Variants in BRPF1 observed in about 807,000 individuals in gnomAD.
The protein encoded by BRPF1 is bromodomain and PHD finger containing 1, also known as peregrin.
A neutral mutation model predicts 115.0 loss-of-function variants in BRPF1; 15 were observed. That is an observed-to-expected ratio of 0.13 (90% CI 0.09 to 0.20). The LOEUF is 0.20. Among genes scored for constraint, BRPF1 ranks in the 10% least tolerant of loss-of-function variants. The pLI, the probability that BRPF1 is intolerant of heterozygous loss-of-function variation, is 1.00. For missense variants in BRPF1, 1,118 were observed against 1,638.3 expected (o/e 0.68, Z 5.48); for synonymous variants, 647 against 619.8 (o/e 1.04, Z -0.65).
At position 9,734,806 on chromosome 3, in the gene BRPF1, T is replaced by A; in HGVS notation, c.599+67T>A. ...GCAGGGCTCACTAGCCAGAGAGAGGTGAGAGGCACAGATAGAAGAGTGACA... is the reference window on the plus strand; with the variant it reads ...GCAGGGCTCACTAGCCAGAGAGAGGAGAGAGGCACAGATAGAAGAGTGACA... On this transcript the variant is annotated intron_variant, in intron 2 of 13. Coordinates refer to ENST00000383829, the MANE Select transcript of BRPF1 (RefSeq NM_001003694.2). This position sits in a 1 kb window ranked among gnomAD's most constrained non-coding sequence, Gnocchi z 5.7. 3 of 1,559,184 alleles carry A rather than the reference T, an allele frequency of 1.9e-6. No individual in the cohort carries two copies. The highest frequency in any genetic ancestry group is 1.2e-5 in the South Asian group (1 of 86,802).
intron 9 of BRPF1, 128 bp downstream of exon 9, chr3:9,744,636 A>C: frequency 1.4e-6 from 1 of 690,444 alleles, no homozygotes; most frequent in Non-Finnish European, 2.3e-6. Flanking sequence ...GAATCCTTTA[A>C]CTCCACTCAC....
chr3:9,741,980 C>T (rs1466786139), intron 5 of BRPF1, 45 bp from the exon 6 acceptor site: 2 of 1,609,042 alleles, frequency 1.2e-6, no homozygotes, highest in South Asian at 2.2e-5. Flanking sequence ...CTCTTTGCCA[C>T]TGAACTGGCC....
intron 3 of BRPF1, 53 bp downstream of exon 3, chr3:9,740,011 G>T (rs2077003103): frequency 1.3e-6 from 2 of 1,490,882 alleles, no homozygotes; most frequent in South Asian, 1.3e-5. Flanking sequence ...GCCTCCAGGA[G>T]AGGAGCTGGC....
At chr3:9,741,684 C>T (rs17291491) in intron 5 of BRPF1, among the ~76,000 whole-genome samples, 19,235 of 151,110 alleles carry the variant, frequency 0.13, 1,820 homozygotes, top group African/African-American at 0.26. Context: ...AGCGTGTGTA[C>T]CCCAGCCAGA....
rs1028956078 is a variant in BRPF1 at position 9,741,193 on chromosome 3, A to C, written c.1723-115A>C. The C allele has an allele frequency of 4.5e-6, 6 of 1,337,468 alleles. No individual in the cohort carries two copies. In the African/African-American group the frequency reaches 5.9e-5, roughly 13 times the overall value. The allele number at this position is 1,337,468 out of a possible 1,614,324, so 82.9% of individuals were successfully genotyped here. A position where few individuals can be genotyped will look rare whatever the true frequency, so the allele number is the denominator to read the frequency against. On this transcript the variant is annotated intron_variant, in intron 4 of 13. Coordinates refer to ENST00000383829, the MANE Select transcript of BRPF1 (RefSeq NM_001003694.2). ...GGACACACAGATTGAGGCACTACCAATAAATTACTGTGCTCCCTCTTTTGG... is the reference window on the plus strand; with the variant it reads ...GGACACACAGATTGAGGCACTACCACTAAATTACTGTGCTCCCTCTTTTGG...
At chr3:9,735,165 C>T (rs893159338) in intron 2 of BRPF1, among the ~76,000 whole-genome samples, 12 of 152,036 alleles carry the variant, frequency 7.9e-5, no homozygotes, top group African/African-American at 2.7e-4. Context: ...GCACATGCCA[C>T]CATGCCCAGC....
In BRPF1 at chr3:9,743,376, A is replaced by AT; in HGVS notation, c.2311+124dup. 1 of 1,341,018 alleles carries AT rather than the reference A, an allele frequency of 7.5e-7. No individual in the cohort carries two copies. The highest frequency in any genetic ancestry group is 1.0e-6 in the Non-Finnish European group (1 of 992,366). The allele number at this position is 1,341,018 out of a possible 1,614,324, so 83.1% of individuals were successfully genotyped here. ...CAGCTAGGCTGAGCAGTGGCAAGCT[A>AT]TCCCCAGGAATGCTCCCCAAGAAGC... On this transcript the variant is annotated intron_variant, in intron 7 of 13. Coordinates refer to ENST00000383829, the MANE Select transcript of BRPF1 (RefSeq NM_001003694.2). This position sits in a 1 kb window ranked among gnomAD's most constrained non-coding sequence, Gnocchi z 6.1.
Position 9,734,723 on chromosome 3 carries a change from C to G in BRPF1, c.583C>G (p.Pro195Ala). The change falls in exon 2 of 14, where the codon CCA becomes GCA. Residue 195 changes from proline to alanine, a missense_variant. By Grantham distance (27) the Pro-to-Ala change is conservative. Transcript: ENST00000383829. The surrounding 1 kb of genome is among the most constrained non-coding windows in gnomAD (Gnocchi z 5.7). ...EQDTPDAPPRPTSYYRYIEKS... is the reference protein window; with the variant it reads ...EQDTPDAPPRATSYYRYIEKS... ...GGACACCCCTGATGCCCCACCCCGG[C>G]CAACTTCCTATTACCGGTAAGGCCA... 6.2e-7 allele frequency: 1 copy of G among 1,614,036 alleles called. No individual in the cohort carries two copies. The highest frequency in any genetic ancestry group is 8.5e-7 in the Non-Finnish European group (1 of 1,179,950).
intron 12 of BRPF1, 128 bp downstream of exon 12, chr3:9,746,058 G>A: frequency 8.7e-7 from 1 of 1,149,068 alleles, no homozygotes; most frequent in Non-Finnish European, 1.2e-6. Context: ...CTGGTGGGCA[G>A]ATACAGCTTG....
Position 9,739,699 on chromosome 3 carries a change from A to G in BRPF1, c.1300A>G (p.Thr434Ala). ...EPVRETGANG[T>A]SFSVRKTAYC... Reference sequence around the variant, plus strand: ...TGTGCGGGAGACAGGCGCCAACGGCACCTCTTTCAGTGTCCGCAAGACAGC... The same window carrying G: ...TGTGCGGGAGACAGGCGCCAACGGCGCCTCTTTCAGTGTCCGCAAGACAGC... The change falls in exon 3 of 14, where the codon ACC (threonine) becomes GCC (alanine). Residue 434 changes from threonine (T) to alanine (A), a missense_variant. By Grantham distance (58) the Thr-to-Ala change is moderately conservative. This residue lies in a region of BRPF1 where 87 missense variants were observed against 93.4 expected (regional missense o/e 0.93). Transcript: ENST00000383829. 6.2e-7 allele frequency: 1 copy of G among 1,613,386 alleles called. No individual in the cohort carries two copies. The highest frequency in any genetic ancestry group is 8.5e-7 in the Non-Finnish European group (1 of 1,179,344).
At chr3:9,746,612 C>T (rs2077131386) in intron 13 of BRPF1, among the ~76,000 whole-genome samples, 158 bp downstream of exon 13, 1 of 152,024 alleles carries the variant, frequency 6.6e-6, no homozygotes, top group South Asian at 2.1e-4. Context: ...AGGGTTGTGT[C>T]GACCATGTGT....
rs533491116 is a variant in BRPF1 at position 9,744,140 on chromosome 3, A to G, written c.2636-84A>G. 1.3e-4 allele frequency: 187 copies of G among 1,448,224 alleles called. 2 individuals are homozygous for G. The highest frequency in any genetic ancestry group is 1.5e-4 in the Non-Finnish European group (165 of 1,077,046). 89.7% of individuals were successfully genotyped at this position (1,448,224 alleles called of 1,614,324 possible). ...CAACGTTAGCTGGAGTAATGGTCCTATATGCCCAGGGCATGACCCTGGATA... is the reference window on the plus strand; with the variant it reads ...CAACGTTAGCTGGAGTAATGGTCCTGTATGCCCAGGGCATGACCCTGGATA... On this transcript the variant is annotated intron_variant, in intron 8 of 13. Coordinates refer to ENST00000383829, the MANE Select transcript of BRPF1 (RefSeq NM_001003694.2).
chr3:9,741,957 C>T, intron 5 of BRPF1, 68 bp from the exon 6 acceptor site: 1 of 1,587,652 alleles, frequency 6.3e-7, no homozygotes, highest in East Asian at 2.2e-5. Flanking sequence ...CAGCTGGGAC[C>T]ATATCCTCAG....
In BRPF1 at chr3:9,743,429, C is replaced by T. The variant is rs559351681; in HGVS notation, c.2312-149C>T. The T allele has an allele frequency of 5.1e-5, 61 of 1,187,252 alleles. No individual in the cohort carries two copies. Among genetic ancestry groups the T allele is most frequent in the East Asian group, 4.0e-4 (16 of 39,742 alleles). 73.5% of individuals were successfully genotyped at this position (1,187,252 alleles called of 1,614,324 possible). The stretch of plus-strand genomic sequence containing the variant: ...GACTGGGTGAATGGATAGCAGTGCC[C>T]GCCATTCCACATCTTGGTGCTGCTA... On this transcript the variant is annotated intron_variant, in intron 7 of 13. Coordinates refer to ENST00000383829, the MANE Select transcript of BRPF1 (RefSeq NM_001003694.2). The surrounding 1 kb of genome is among the most constrained non-coding windows in gnomAD (Gnocchi z 6.1).
rs1013450600 is a variant in BRPF1, at chr3:9,747,628, A to T, written c.*279A>T. On this transcript the variant is annotated 3_prime_UTR_variant, in exon 14 of 14. Coordinates refer to ENST00000383829, the MANE Select transcript of BRPF1 (RefSeq NM_001003694.2). This position sits in a 1 kb window ranked among gnomAD's most constrained non-coding sequence, Gnocchi z 5.6. ...GCATTGTAGGGCGGGGTGGTGGGCC[A>T]AAGTTAGGACACTGCGTAAAACAGG... The T allele has an allele frequency of 1.8e-5, 6 of 342,554 alleles. No homozygotes were observed. Among genetic ancestry groups the T allele is most frequent in the Non-Finnish European group, 3.3e-5 (6 of 182,546 alleles). The allele number at this position is 342,554 out of a possible 1,614,324, so 21.2% of individuals were successfully genotyped here. A position where few individuals can be genotyped will look rare whatever the true frequency, so the allele number is the denominator to read the frequency against.
At chr3:9,735,293 G>A (rs182422488) in intron 2 of BRPF1, among the ~76,000 whole-genome samples, 78 of 152,194 alleles carry the variant, frequency 5.1e-4, no homozygotes, top group Middle Eastern at 3.4e-3. Flanking sequence ...GATTACAGGC[G>A]TGAGCCACTG....
At chr3:9,741,738 T>G (rs1258630041) in intron 5 of BRPF1, among the ~76,000 whole-genome samples, 3 of 150,918 alleles carry the variant, frequency 2.0e-5, no homozygotes, top group Non-Finnish European at 4.4e-5. Flanking sequence ...TGGTGCTCGG[T>G]GTGCTTTTAG....
chr3:9,739,787 A>C lies in BRPF1; in HGVS notation c.1388A>C (p.Glu463Ala). The change falls in exon 3 of 14, where the codon GAG becomes GCG. Residue 463 changes from glutamate (E) to alanine (A), a missense_variant. Glu to Ala is a moderately radical substitution (Grantham distance 107). Around this residue, in one of 10 missense-constraint regions of BRPF1, gnomAD observed 87 missense variants for 93.4 expected, o/e 0.93. Coordinates refer to ENST00000383829, the MANE Select transcript of BRPF1 (RefSeq NM_001003694.2). ...ARRLPALSHS[E>A]GEEDEDEEED... The stretch of plus-strand genomic sequence containing the variant: ...CGACTGCCTGCCCTGTCCCACAGCG[A>C]GGGTGAGGAGGATGAAGATGAGGAG... 5.0e-6 allele frequency: 8 copies of C among 1,613,550 alleles called. No individual in the cohort carries two copies. The highest frequency in any genetic ancestry group is 6.8e-6 in the Non-Finnish European group (8 of 1,179,728).
In BRPF1 at chr3:9,740,813, A is replaced by C; in HGVS notation, c.1594A>C (p.Arg532=). 6.2e-7 allele frequency: 1 copy of C among 1,614,144 alleles called. No individual in the cohort carries two copies. Among genetic ancestry groups the C allele is most frequent in the African/African-American group, 1.3e-5 (1 of 75,028 alleles). ...SKITNRLTIQ[R]KSQFMQRLHS... The stretch of plus-strand genomic sequence containing the variant: ...AATCACCAACCGCCTGACCATCCAA[A>C]GGAAGAGCCAGTTCATGCAGAGGCT... The change falls in exon 4 of 14, where the codon AGG becomes CGG. Residue 532 remains arginine (R), a synonymous_variant. Transcript: ENST00000383829.
Sources: allele counts gnomAD v4.1 joint callset (sites outside exome capture counted in the v4.1 genomes callset), GRCh38; gene constraint gnomAD v4.1.1; regional missense constraint gnomAD v4.1.1; non-coding constraint Gnocchi (gnomAD v3.1); transcripts MANE v1.5; gene names NCBI Gene and HGNC (gene_info 2026-07-23, HGNC 2026-07-21).